Variants in ADNP observed in about 807,000 individuals in gnomAD.
The protein encoded by ADNP is activity dependent neuroprotector homeobox, also known as activity-dependent neuroprotector homeobox protein.
ADNP carries 4 observed loss-of-function variants against 84.9 expected under a neutral mutation model. The observed-to-expected ratio is 0.05, with a 90% CI of 0.02 to 0.11. ADNP has a LOEUF of 0.11. Among genes scored for constraint, ADNP ranks in the 10% least tolerant of loss-of-function variants. ADNP has a pLI of 1.00. For missense variants in ADNP, 1,132 were observed against 1,326.0 expected (o/e 0.85, Z 2.27); for synonymous variants, 554 against 468.1 (o/e 1.18, Z -2.37).
chr20:50,893,913 G>A lies in ADNP; in HGVS notation c.801C>T (p.Pro267=). ...HTNVVVPRSK[P]LMLIAPKPQD... Reference sequence around the variant, plus strand: ...GAGGTTTGGGAGCAATTAGCATCAAGGGTTTGGATCGGGGAACCACTACAT... The same window carrying A: ...GAGGTTTGGGAGCAATTAGCATCAAAGGTTTGGATCGGGGAACCACTACAT... The change falls in exon 6 of 6, where the codon CCC becomes CCT. Residue 267 remains proline, a synonymous_variant. Coordinates refer to ENST00000621696, the MANE Select transcript of ADNP (RefSeq NM_001282531.3). This position sits in a 1 kb window ranked among gnomAD's most constrained non-coding sequence, Gnocchi z 4.4. The A allele has an allele frequency of 6.2e-7, 1 of 1,614,200 alleles. No individual in the cohort carries two copies. Among genetic ancestry groups the A allele is most frequent in the Non-Finnish European group, 8.5e-7 (1 of 1,180,004 alleles).
intron 3 of ADNP, 87 bp downstream of exon 3, chr20:50,904,679 A>G (rs1333655019): frequency 6.6e-6 from 1 of 152,224 alleles, no homozygotes; most frequent in Non-Finnish European, 1.5e-5. Context: ...AAAATTAGAG[A>G]AATACTAGCA....
At position 50,917,360 on chromosome 20, in the gene ADNP, A is replaced by G. The variant is rs535532653; in HGVS notation, c.-90+11291T>C. On this transcript the variant is annotated intron_variant, in intron 2 of 5. Transcript: ENST00000621696. ...ACATCCAGAGAAGAATTCAGCTCTA[A>G]GGACACTTGTCTTAAATCACTCTTA... 3.5e-3 allele frequency among the ~76,000 whole-genome samples: 530 copies of G among 152,352 alleles called. 2 individuals carry two copies. Among genetic ancestry groups the G allele is most frequent in the African/African-American group, 0.01 (435 of 41,598 alleles).
At position 50,925,149 on chromosome 20, in the gene ADNP, A is replaced by G. The variant is rs74619475; in HGVS notation, c.-90+3502T>C. 2.0e-3 allele frequency among the ~76,000 whole-genome samples: 309 copies of G among 152,278 alleles called. 7 individuals are homozygous for G. In the East Asian group the frequency reaches 0.056, roughly 28 times the overall value. On this transcript the variant is annotated intron_variant, in intron 2 of 5. Coordinates refer to ENST00000621696, the MANE Select transcript of ADNP (RefSeq NM_001282531.3). The stretch of plus-strand genomic sequence containing the variant: ...CACAGAGATGACAGGACCCAGGACT[A>G]AAAACAGTAATATGAATTTTGCATT...
intron 5 of ADNP, among the ~76,000 whole-genome samples, chr20:50,899,867 AT>A (rs142777741): frequency 0.018 from 2,419 of 131,220 alleles, 37 homozygotes; most frequent in African/African-American, 0.062. Context: ...CAGCTGTACA[AT>A]TTTTTTTTTT....
chr20:50,914,403 G>C, intron 2 of ADNP: 1 of 533,784 alleles, frequency 1.9e-6, no homozygotes, highest in Admixed American at 2.8e-5. Flanking sequence ...AGGTTAAACA[G>C]CTTGGATTTC....
rs1049553272 is a variant in ADNP, at chr20:50,889,536, T to C, written c.*1869A>G. ...TCTTCCTGTACTGTTGTTGAGAAGCTTACATTTTAGGGAGAGGCTGGTCAA... is the reference window on the plus strand; with the variant it reads ...TCTTCCTGTACTGTTGTTGAGAAGCCTACATTTTAGGGAGAGGCTGGTCAA... On this transcript the variant is annotated 3_prime_UTR_variant, in exon 6 of 6. Transcript: ENST00000621696. 4.5e-6 allele frequency: 1 copy of C among 221,478 alleles called. No individual in the cohort carries two copies. Among genetic ancestry groups the C allele is most frequent in the African/African-American group, 2.3e-5 (1 of 44,338 alleles). 13.7% of individuals were successfully genotyped at this position (221,478 alleles called of 1,614,324 possible).
intron 2 of ADNP, among the ~76,000 whole-genome samples, chr20:50,906,129 T>C (rs1291932769): frequency 6.6e-6 from 1 of 152,114 alleles, no homozygotes; most frequent in Non-Finnish European, 1.5e-5. Flanking sequence ...GGAGAATCGC[T>C]TGAACCCGGG....
In ADNP at chr20:50,915,234, T is replaced by C. The variant is rs1025562814; in HGVS notation, c.-89-10385A>G. 2.0e-4 allele frequency among the ~76,000 whole-genome samples: 30 copies of C among 152,186 alleles called. 1 individual carries two copies. The highest frequency in any genetic ancestry group is 1.8e-3 in the Admixed American group (27 of 15,272). On this transcript the variant is annotated intron_variant, in intron 2 of 5. Coordinates refer to ENST00000621696, the MANE Select transcript of ADNP (RefSeq NM_001282531.3). ...GCAACATATTTAATACCTGTCTATATCACTCATTGAGTCAAAAACTGTGGT... is the reference window on the plus strand; with the variant it reads ...GCAACATATTTAATACCTGTCTATACCACTCATTGAGTCAAAAACTGTGGT...
intron 2 of ADNP, among the ~76,000 whole-genome samples, chr20:50,908,251 C>T (rs1982688939): frequency 6.6e-6 from 1 of 151,664 alleles, no homozygotes; most frequent in Admixed American, 6.6e-5. Flanking sequence ...ACTCTTATCC[C>T]TCCAGCCACG....
chr20:50,924,586 G>A (rs16995628), intron 2 of ADNP, among the ~76,000 whole-genome samples: 4,779 of 152,250 alleles, frequency 0.031, 176 homozygotes, highest in Admixed American at 0.076. Flanking sequence ...ATAGTCCTGA[G>A]AAAATTGGGA....
chr20:50,891,532 T>TG lies in ADNP; in HGVS notation c.3181dup (p.Gln1061ProfsTer3). ...AATTGTGCTATTCTGCCACTCAATC[T>TG]GGGGGTTAGATAAGCGCTCATCATT... On this transcript the variant is annotated frameshift_variant, in exon 6 of 6. Transcript: ENST00000621696. LOFTEE classifies it high-confidence loss of function. The TG allele has an allele frequency of 6.2e-7, 1 of 1,612,114 alleles. No homozygotes were observed. Among genetic ancestry groups the TG allele is most frequent in the Non-Finnish European group, 8.5e-7 (1 of 1,180,026 alleles).
intron 2 of ADNP, among the ~76,000 whole-genome samples, chr20:50,908,758 A>G (rs1358888097): frequency 6.6e-6 from 1 of 151,948 alleles, no homozygotes; most frequent in African/African-American, 2.4e-5. Context: ...TGGGCGACAG[A>G]GTGAGACTCT....
At chr20:50,896,373 C>G (rs1981396378) in intron 5 of ADNP, among the ~76,000 whole-genome samples, 1 of 152,090 alleles carries the variant, frequency 6.6e-6, no homozygotes, top group Non-Finnish European at 1.5e-5. Context: ...AGGTGGATCA[C>G]AAGGACAGGA....
chr20:50,902,331 G>C (rs1982069721), intron 4 of ADNP, among the ~76,000 whole-genome samples: 1 of 152,076 alleles, frequency 6.6e-6, no homozygotes, highest in Admixed American at 6.5e-5. Context: ...TGGTCAGTCA[G>C]GTTTCCAAGG....
In ADNP at chr20:50,913,250, C is replaced by CAAAAAAAAAAAAAAAAAAAAAA. The variant is rs56911332; in HGVS notation, c.-89-8423_-89-8402dup. Among the ~76,000 whole-genome samples the CAAAAAAAAAAAAAAAAAAAAAA allele has an allele frequency of 3.0e-4, 13 of 42,900 alleles. 4 individuals carry two copies. The highest frequency in any genetic ancestry group is 4.0e-4 in the African/African-American group (5 of 12,494). 28.1% of individuals were successfully genotyped at this position (42,900 alleles called of 152,430 possible). On this transcript the variant is annotated intron_variant, in intron 2 of 5. Coordinates refer to ENST00000621696, the MANE Select transcript of ADNP (RefSeq NM_001282531.3). ...CCTGGGCAAGAGTGAGACTCTGTCT[C>CAAAAAAAAAAAAAAAAAAAAAA]AAAAAAAAAAAAAAAAAAAAAAAAA...
intron 3 of ADNP, 192 bp from the exon 4 acceptor site, chr20:50,904,193 A>T (rs536688338): frequency 1.1e-5 from 6 of 566,502 alleles, no homozygotes; most frequent in African/African-American, 3.8e-5. Flanking sequence ...CCATCCATCC[A>T]TCCTTCCTTC....
chr20:50,906,642 ATTC>A (rs1448164558), intron 2 of ADNP, among the ~76,000 whole-genome samples: 3 of 152,240 alleles, frequency 2.0e-5, no homozygotes, highest in African/African-American at 7.2e-5. Context: ...AGAAAAACCC[ATTC>A]TTCTAAGTGC....
intron 2 of ADNP, among the ~76,000 whole-genome samples, chr20:50,907,638 A>G (rs1192064088): frequency 6.7e-6 from 1 of 150,294 alleles, no homozygotes; most frequent in African/African-American, 2.5e-5. Context: ...GCTGGAGTGT[A>G]GTGGTGTAAT....
intron 2 of ADNP, chr20:50,914,510 G>A (rs959743509): frequency 6.6e-6 from 2 of 301,360 alleles, no homozygotes; most frequent in Non-Finnish European, 1.3e-5. Context: ...CACCTTCAAA[G>A]TCTTATAAAC....
Sources: allele counts gnomAD v4.1 joint callset (sites outside exome capture counted in the v4.1 genomes callset), GRCh38; gene constraint gnomAD v4.1.1; non-coding constraint Gnocchi (gnomAD v3.1); transcripts MANE v1.5; gene names NCBI Gene and HGNC (gene_info 2026-07-23, HGNC 2026-07-21).